Variants in MLLT1 observed in about 807,000 individuals in gnomAD.
The protein encoded by MLLT1 is MLLT1 super elongation complex subunit, also known as protein ENL.
A neutral mutation model predicts 55.1 loss-of-function variants in MLLT1; 11 were observed. The observed-to-expected ratio is 0.20, with a 90% CI of 0.13 to 0.33. MLLT1 has a LOEUF of 0.33. Among genes scored for constraint, MLLT1 ranks in the 10% least tolerant of loss-of-function variants. The probability of loss-of-function intolerance (pLI) is 1.00; values close to 1 mark genes in which losing one functional copy is unlikely to be tolerated. For missense variants in MLLT1, 536 were observed against 760.6 expected (o/e 0.70, Z 3.47); for synonymous variants, 323 against 320.1 (o/e 1.01, Z -0.10).
At chr19:6,213,275 C>T (rs966804027) in intron 11 of MLLT1, 62 bp downstream of exon 11, 174 of 1,607,334 alleles carry the variant, frequency 1.1e-4, no homozygotes, top group Non-Finnish European at 1.2e-4. Context: ...GGGGCCCCCG[C>T]AGCCCACACT....
At chr19:6,267,661 A>T (rs1300943122) in intron 2 of MLLT1, among the ~76,000 whole-genome samples, 1 of 152,192 alleles carries the variant, frequency 6.6e-6, no homozygotes, top group Admixed American at 6.5e-5. Flanking sequence ...AAGCTGAATG[A>T]AGTCCTGCCG....
chr19:6,276,116 G>A (rs73920634), intron 1 of MLLT1, among the ~76,000 whole-genome samples: 183 of 152,266 alleles, frequency 1.2e-3, no homozygotes, highest in African/African-American at 4.1e-3. Context: ...GAACCACAAC[G>A]GGCATAAAGG....
intron 3 of MLLT1, among the ~76,000 whole-genome samples, chr19:6,242,412 C>T (rs1006278447): frequency 4.6e-5 from 7 of 152,202 alleles, no homozygotes; most frequent in Admixed American, 4.6e-4. Context: ...ACGTAATGCC[C>T]TTCCTGTGCC....
At chr19:6,217,861 T>G (rs1306198360) in intron 7 of MLLT1, 93 bp downstream of exon 7, 5 of 1,491,520 alleles carry the variant, frequency 3.4e-6, no homozygotes, top group Non-Finnish European at 4.5e-6. Flanking sequence ...GCCCAGCCTG[T>G]GCAGGCAGTG....
At chr19:6,215,266 C>T (rs898172170) in intron 8 of MLLT1, among the ~76,000 whole-genome samples, 15 of 152,374 alleles carry the variant, frequency 9.8e-5, no homozygotes, top group Middle Eastern at 6.8e-3. Context: ...GTCCCTGTGC[C>T]GTGCCTGCCA....
chr19:6,228,276 C>A (rs570045147), intron 4 of MLLT1, among the ~76,000 whole-genome samples: 1 of 152,222 alleles, frequency 6.6e-6, no homozygotes, highest in Non-Finnish European at 1.5e-5. Context: ...GAGCCCCATT[C>A]GCTCTCAGGC....
In MLLT1 at chr19:6,226,196, C is replaced by T. The variant is rs1380967858; in HGVS notation, c.546+781G>A. Among the ~76,000 whole-genome samples the T allele has an allele frequency of 1.3e-5, 2 of 152,158 alleles. No individual in the cohort carries two copies. The highest frequency in any genetic ancestry group is 2.9e-5 in the Non-Finnish European group (2 of 68,022). On this transcript the variant is annotated intron_variant, in intron 5 of 11. Transcript: ENST00000252674. This position sits in a 1 kb window ranked among gnomAD's most constrained non-coding sequence, Gnocchi z 6.3. ...GTGAGGTGAGGAGAAAGGAGAGGAC[C>T]GGTGGAGAGATGTGTGGGTGGCAGG...
rs971315793 is a variant in MLLT1 at position 6,231,976 on chromosome 19, C to T, written c.277-1263G>A. Reference sequence around the variant, plus strand: ...CATGGGCCGGGCGCGGTGGCTCACGCCTGTAACCCAGAACTCTGGGAGGTT... The same window carrying T: ...CATGGGCCGGGCGCGGTGGCTCACGTCTGTAACCCAGAACTCTGGGAGGTT... On this transcript the variant is annotated intron_variant, in intron 3 of 11. Transcript: ENST00000252674. The surrounding 1 kb of genome is among the most constrained non-coding windows in gnomAD (Gnocchi z 5.1). Among the ~76,000 whole-genome samples the T allele has an allele frequency of 5.3e-5, 8 of 152,062 alleles. No homozygotes were observed. The highest frequency in any genetic ancestry group is 1.0e-4 in the Non-Finnish European group (7 of 68,020).
chr19:6,239,693 C>A (rs1201034793), intron 3 of MLLT1, among the ~76,000 whole-genome samples: 1 of 152,026 alleles, frequency 6.6e-6, no homozygotes, highest in Non-Finnish European at 1.5e-5. Flanking sequence ...AACACACACA[C>A]AAACACACCC....
intron 8 of MLLT1, 28 bp downstream of exon 8, chr19:6,216,377 C>A: frequency 6.5e-7 from 1 of 1,548,898 alleles, no homozygotes; most frequent in Non-Finnish European, 8.8e-7. Flanking sequence ...TGGCCGCCTC[C>A]GCCCCCTGGC....
chr19:6,270,184 T>C lies in MLLT1; in HGVS notation c.193+395A>G, dbSNP rs991926508. ...AGACACGGAAAAGACAGTGGTGACA[T>C]GAGCTCCGGCATTCTTTCTGCCCCA... On this transcript the variant is annotated intron_variant, in intron 2 of 11. Coordinates refer to ENST00000252674, the MANE Select transcript of MLLT1 (RefSeq NM_005934.4). The surrounding 1 kb of genome is among the most constrained non-coding windows in gnomAD (Gnocchi z 7.1). 6.7e-6 allele frequency among the ~76,000 whole-genome samples: 1 copy of C among 150,358 alleles called. No homozygotes were observed. Among genetic ancestry groups the C allele is most frequent in the South Asian group, 2.1e-4 (1 of 4,720 alleles).
chr19:6,258,618 C>T (rs950033206), intron 3 of MLLT1, among the ~76,000 whole-genome samples: 4 of 152,220 alleles, frequency 2.6e-5, no homozygotes, highest in African/African-American at 7.2e-5. Flanking sequence ...GCCTCAGTTA[C>T]GTTCTAATGC....
At chr19:6,213,846 G>C in intron 9 of MLLT1, 49 bp from the exon 10 acceptor site, 1 of 1,593,406 alleles carries the variant, frequency 6.3e-7, no homozygotes, top group Non-Finnish European at 8.6e-7. Context: ...ACCCTCCCCA[G>C]CCCCGAAGGC....
At chr19:6,272,071 C>T (rs1329475721) in intron 1 of MLLT1, among the ~76,000 whole-genome samples, 1 of 152,150 alleles carries the variant, frequency 6.6e-6, no homozygotes, top group Non-Finnish European at 1.5e-5. Context: ...GCAGGCAGAT[C>T]CTATCGCCCC....
rs60832951 is a variant in MLLT1, at chr19:6,259,799, T to TAAAAAAAAAAAAAAAAAAAA, written c.276+2409_276+2428dup. On this transcript the variant is annotated intron_variant, in intron 3 of 11. Transcript: ENST00000252674. ...CAAATAAACACCAAGAAACATGACT[T>TAAAAAAAAAAAAAAAAAAAA]AAAAAAAAAAAAAAAAAAAAACAGA... The TAAAAAAAAAAAAAAAAAAAA allele has an allele frequency of 3.3e-4, 23 of 70,104 alleles. 1 individual carries two copies. Among genetic ancestry groups the TAAAAAAAAAAAAAAAAAAAA allele is most frequent in the African/African-American group, 1.2e-3 (17 of 14,054 alleles). The allele number at this position is 70,104 out of a possible 1,614,324, so 4.3% of individuals were successfully genotyped here. A position where few individuals can be genotyped will look rare whatever the true frequency, so the allele number is the denominator to read the frequency against.
At position 6,213,439 on chromosome 19, in the gene MLLT1, G is replaced by T. The variant is rs377135114; in HGVS notation, c.1480-31C>A. The T allele has an allele frequency of 1.9e-5, 29 of 1,557,486 alleles. No individual in the cohort carries two copies. In the African/African-American group the frequency reaches 3.9e-4, roughly 21 times the overall value. On this transcript the variant is annotated intron_variant, in intron 10 of 11. Transcript: ENST00000252674. ...GAGGGGGGGCAGGTCTCAGCAGCGT[G>T]TGGGGGCCCTGGACCCTTCCTGCTC...
chr19:6,225,913 T>A (rs569832263), intron 5 of MLLT1, among the ~76,000 whole-genome samples: 1 of 152,216 alleles, frequency 6.6e-6, no homozygotes, highest in African/African-American at 2.4e-5. Context: ...TTTTCCTTCA[T>A]TGAGCCTCCA....
chr19:6,246,584 A>G (rs141586716), intron 3 of MLLT1, among the ~76,000 whole-genome samples: 61 of 152,054 alleles, frequency 4.0e-4, no homozygotes, highest in Admixed American at 7.2e-4. Context: ...GAAAAGGTAA[A>G]CTACAAGAAT....
chr19:6,226,258 C>T lies in MLLT1; in HGVS notation c.546+719G>A, dbSNP rs1417867520. Among the ~76,000 whole-genome samples the T allele has an allele frequency of 6.6e-6, 1 of 152,200 alleles. No individual in the cohort carries two copies. Among genetic ancestry groups the T allele is most frequent in the Non-Finnish European group, 1.5e-5 (1 of 68,030 alleles). ...TGCCCCGAGGGCCCGTGCCGCTCAG[C>T]CTCCAGGAACGGCTGTGCTGAGTGG... On this transcript the variant is annotated intron_variant, in intron 5 of 11. Transcript: ENST00000252674. The surrounding 1 kb of genome is among the most constrained non-coding windows in gnomAD (Gnocchi z 6.3).
Sources: gnomAD v4.1 joint callset for allele counts (sites outside exome capture counted in the v4.1 genomes callset) on GRCh38, gnomAD v4.1.1 for gene constraint, Gnocchi (gnomAD v3.1) non-coding constraint, MANE v1.5 for transcripts, NCBI Gene and HGNC (gene_info 2026-07-23, HGNC 2026-07-21) for gene names.